Variants in ALOX5 observed in about 807,000 individuals in gnomAD.
ALOX5 encodes the protein polyunsaturated fatty acid 5-lipoxygenase.
Under a neutral mutation model 87.9 loss-of-function variants are expected in ALOX5, and 64 were observed. The observed-to-expected ratio is 0.73, with a 90% CI of 0.60 to 0.90. ALOX5 has a LOEUF of 0.90. Ranked by LOEUF, ALOX5 falls within the 40% of genes least tolerant of loss-of-function variation. ALOX5 has a pLI of 0.00. For missense variants in ALOX5, 822 were observed against 907.5 expected (o/e 0.91, Z 1.21); for synonymous variants, 388 against 355.1 (o/e 1.09, Z -1.04).
chr10:45,398,841 G>A (rs566580987), intron 3 of ALOX5, among the ~76,000 whole-genome samples: 63 of 152,314 alleles, frequency 4.1e-4, no homozygotes, highest in South Asian at 8.3e-4. Context: ...GGAGAAATCA[G>A]AACCCTCATA....
At chr10:45,375,383 A>G (rs1206908329) in intron 1 of ALOX5, among the ~76,000 whole-genome samples, 2 of 152,238 alleles carry the variant, frequency 1.3e-5, no homozygotes, top group Non-Finnish European at 2.9e-5. Flanking sequence ...TACCTGGCAC[A>G]GAGGAAGCGC....
chr10:45,423,897 G>A (rs753754756), intron 4 of ALOX5, 144 bp from the exon 5 acceptor site: 2 of 687,974 alleles, frequency 2.9e-6, no homozygotes, highest in South Asian at 3.4e-5. Flanking sequence ...TTCTGACCTG[G>A]TTCTGAAAAG....
rs573961445 is a variant in ALOX5 at position 45,389,423 on chromosome 10, A to C, written c.350-6432A>C. Among the ~76,000 whole-genome samples, 6 of 152,338 alleles carry C rather than the reference A, an allele frequency of 3.9e-5. No homozygotes were observed. In the East Asian group the frequency reaches 1.2e-3, roughly 29 times the overall value. Reference sequence around the variant, plus strand: ...CACCAAAGTTGAAATGAAGGAAAAGATGTTAAGGGCAGCCAGAGAGAAAGG... The same window carrying C: ...CACCAAAGTTGAAATGAAGGAAAAGCTGTTAAGGGCAGCCAGAGAGAAAGG... On this transcript the variant is annotated intron_variant, in intron 2 of 13. Transcript: ENST00000374391.
chr10:45,405,835 C>T (rs1234073721), intron 3 of ALOX5, among the ~76,000 whole-genome samples: 3 of 151,700 alleles, frequency 2.0e-5, no homozygotes, highest in African/African-American at 7.3e-5. Context: ...CTAACCCAGG[C>T]TCAATCCATC....
chr10:45,376,374 A>G (rs1839615225), intron 1 of ALOX5, among the ~76,000 whole-genome samples: 1 of 152,106 alleles, frequency 6.6e-6, no homozygotes, highest in Non-Finnish European at 1.5e-5. Context: ...AGGGTGGGGA[A>G]CCAGCTAAGG....
chr10:45,441,315 T>C lies in ALOX5; in HGVS notation c.1186-29T>C, dbSNP rs763617018. ...CACCAGGTCACCTGACTGGGCCCCC[T>C]CTGAGGCCTCCTCCTCTCCCCTCCC... On this transcript the variant is annotated intron_variant, in intron 8 of 13. Transcript: ENST00000374391. The C allele has an allele frequency of 2.5e-6, 4 of 1,607,464 alleles. No individual in the cohort carries two copies. The South Asian group carries it at 3.3e-5, about 13-fold the overall frequency.
chr10:45,430,613 T>A (rs1185110036), intron 7 of ALOX5, among the ~76,000 whole-genome samples: 1 of 151,186 alleles, frequency 6.6e-6, no homozygotes, highest in Non-Finnish European at 1.5e-5. Context: ...CTGAGCAACA[T>A]ATCAAGACCC....
intron 2 of ALOX5, among the ~76,000 whole-genome samples, chr10:45,386,339 G>A (rs1408632680): frequency 6.6e-6 from 1 of 151,732 alleles, no homozygotes. Context: ...GGTGGTGTGT[G>A]CCTATAGTCC....
chr10:45,415,150 G>T (rs1263232712), intron 4 of ALOX5, among the ~76,000 whole-genome samples: 1 of 152,132 alleles, frequency 6.6e-6, no homozygotes, highest in Non-Finnish European at 1.5e-5. Context: ...GTTTATTGTG[G>T]CACTATTCAC....
chr10:45,425,718 T>C lies in ALOX5; in HGVS notation c.834+586T>C, dbSNP rs1179850340. Among the ~76,000 whole-genome samples, 2 of 152,212 alleles carry C rather than the reference T, an allele frequency of 1.3e-5. No individual in the cohort carries two copies. The highest frequency in any genetic ancestry group is 3.9e-4 in the East Asian group (2 of 5,190). On this transcript the variant is annotated intron_variant, in intron 6 of 13. Coordinates refer to ENST00000374391, the MANE Select transcript of ALOX5 (RefSeq NM_000698.5). The surrounding 1 kb of genome is among the most constrained non-coding windows in gnomAD (Gnocchi z 4.4). ...AGAAGAAGTTCAAACCAACTCCACC[T>C]GGATCTGGTGGGGCTCAGCAACAGG...
intron 2 of ALOX5, among the ~76,000 whole-genome samples, chr10:45,392,755 A>G (rs1840336207): frequency 6.6e-6 from 1 of 152,340 alleles, no homozygotes; most frequent in East Asian, 1.9e-4. Context: ...ACGCAATAAA[A>G]AGTGATAAAG....
chr10:45,409,779 G>A (rs1453270954), intron 3 of ALOX5, among the ~76,000 whole-genome samples: 3 of 152,240 alleles, frequency 2.0e-5, no homozygotes, highest in African/African-American at 7.2e-5. Context: ...CTCCTGTGCA[G>A]GTCAGCCTGT....
At chr10:45,427,843 C>G (rs1441578049) in intron 6 of ALOX5, among the ~76,000 whole-genome samples, 1 of 152,158 alleles carries the variant, frequency 6.6e-6, no homozygotes, top group Non-Finnish European at 1.5e-5. Context: ...CGTTGCGTGT[C>G]GAGGTGTGTT....
At chr10:45,428,881 T>A (rs1841823747) in intron 7 of ALOX5, 117 bp downstream of exon 7, 1 of 1,355,016 alleles carries the variant, frequency 7.4e-7, no homozygotes, top group Admixed American at 2.1e-5. Flanking sequence ...ACACTAGGGC[T>A]TCCTGCAGGC....
chr10:45,413,676 T>C (rs549860713), intron 4 of ALOX5, among the ~76,000 whole-genome samples: 26 of 152,192 alleles, frequency 1.7e-4, no homozygotes, highest in Non-Finnish European at 2.9e-4. Context: ...GATGACATGA[T>C]TTTATATCTA....
chr10:45,416,930 GGATGGATA>G (rs1268834057), intron 4 of ALOX5, among the ~76,000 whole-genome samples: 1 of 151,656 alleles, frequency 6.6e-6, no homozygotes, highest in Non-Finnish European at 1.5e-5. Flanking sequence ...ACAGAGAGAT[GGATGGATA>G]GATGGATGGA....
rs192064730 is a variant in ALOX5 at position 45,425,398 on chromosome 10, C to T, written c.834+266C>T. Among the ~76,000 whole-genome samples the T allele has an allele frequency of 4.6e-5, 7 of 152,296 alleles. No individual in the cohort carries two copies. The highest frequency in any genetic ancestry group is 2.0e-4 in the Admixed American group (3 of 15,306). ...AACATAATGTCAATATTTTCACTAT[C>T]AGTATCAATAATTACAGGAGCTACC... On this transcript the variant is annotated intron_variant, in intron 6 of 13. Coordinates refer to ENST00000374391, the MANE Select transcript of ALOX5 (RefSeq NM_000698.5). The surrounding 1 kb of genome is among the most constrained non-coding windows in gnomAD (Gnocchi z 4.4).
intron 3 of ALOX5, among the ~76,000 whole-genome samples, chr10:45,403,825 T>A (rs1050861983): frequency 1.3e-5 from 2 of 152,188 alleles, no homozygotes; most frequent in African/African-American, 2.4e-5. Context: ...ACGTTGTGCT[T>A]GAGCTCTGCC....
At chr10:45,413,712 A>G (rs1486061555) in intron 4 of ALOX5, among the ~76,000 whole-genome samples, 1 of 152,250 alleles carries the variant, frequency 6.6e-6, no homozygotes, top group Admixed American at 6.5e-5. Context: ...TCAGCCCAAA[A>G]TCTCCTTAAG....
Sources: gnomAD v4.1 joint callset for allele counts (sites outside exome capture counted in the v4.1 genomes callset) on GRCh38, gnomAD v4.1.1 for gene constraint, Gnocchi (gnomAD v3.1) non-coding constraint, MANE v1.5 for transcripts, NCBI Gene and HGNC (gene_info 2026-07-23, HGNC 2026-07-21) for gene names.